Variants in RALY observed in about 807,000 individuals in gnomAD.
The protein encoded by RALY is RALY heterogeneous nuclear ribonucleoprotein, also known as RNA-binding protein Raly.
RALY carries 15 observed loss-of-function variants against 30.7 expected under a neutral mutation model. That is an observed-to-expected ratio of 0.49 (90% CI 0.33 to 0.75). RALY has a LOEUF of 0.75. Among genes scored for constraint, RALY ranks in the 30% least tolerant of loss-of-function variants. RALY has a pLI of 0.02. For missense variants in RALY, 339 were observed against 414.3 expected, an observed-to-expected ratio of 0.82 and a Z score of 1.58; for synonymous variants, 177 against 170.8, an observed-to-expected ratio of 1.04 and a Z score of -0.28.
chr20:34,060,269 G>C (rs73904764), intron 2 of RALY, among the ~76,000 whole-genome samples: 17,532 of 152,162 alleles, frequency 0.12, 1,383 homozygotes, highest in Non-Finnish European at 0.18. Flanking sequence ...TTGAGCATCC[G>C]TAAGTTGAAA....
intron 1 of RALY, among the ~76,000 whole-genome samples, chr20:34,011,806 C>G (rs1013742161): frequency 1.6e-4 from 24 of 152,122 alleles, no homozygotes; most frequent in African/African-American, 5.8e-4. Flanking sequence ...TGGTTCATGC[C>G]TGTAATCCCA....
At chr20:34,050,560 G>A (rs527819630) in intron 2 of RALY, among the ~76,000 whole-genome samples, 1 of 152,324 alleles carries the variant, frequency 6.6e-6, no homozygotes, top group South Asian at 2.1e-4. Context: ...GATGAATTGA[G>A]AGCCCTGCAC....
chr20:34,077,509 T>G, intron 8 of RALY: 1 of 630,914 alleles, frequency 1.6e-6, no homozygotes, highest in Non-Finnish European at 2.7e-6. Context: ...TCCACATGAG[T>G]TGGAGAATGG....
At chr20:34,006,200 A>G (rs1364636411) in intron 1 of RALY, among the ~76,000 whole-genome samples, 1 of 152,224 alleles carries the variant, frequency 6.6e-6, no homozygotes, top group Non-Finnish European at 1.5e-5. Context: ...TGATTTACCC[A>G]TCACTTGGCT....
chr20:34,006,070 C>T (rs544750411), intron 1 of RALY, among the ~76,000 whole-genome samples: 3 of 152,280 alleles, frequency 2.0e-5, no homozygotes, highest in South Asian at 2.1e-4. Flanking sequence ...AAAGATATGC[C>T]GTGGTCACGC....
chr20:34,046,061 T>G (rs978564098), intron 2 of RALY, among the ~76,000 whole-genome samples: 1 of 152,184 alleles, frequency 6.6e-6, no homozygotes, highest in African/African-American at 2.4e-5. Flanking sequence ...TTTTGTTTGG[T>G]CTTTGTCATG....
At chr20:34,009,986 T>A (rs2031330637) in intron 1 of RALY, among the ~76,000 whole-genome samples, 1 of 152,182 alleles carries the variant, frequency 6.6e-6, no homozygotes. Context: ...TGCGACTAAG[T>A]GAATTATCTT....
chr20:34,020,622 G>A (rs1371445203), intron 1 of RALY, among the ~76,000 whole-genome samples: 1 of 152,178 alleles, frequency 6.6e-6, no homozygotes, highest in East Asian at 1.9e-4. Flanking sequence ...CTAGCCCATT[G>A]CCTCTTTTGT....
chr20:34,015,870 A>T (rs1444032271), intron 1 of RALY, among the ~76,000 whole-genome samples: 1 of 151,914 alleles, frequency 6.6e-6, no homozygotes, highest in Non-Finnish European at 1.5e-5. Context: ...CACACAATTG[A>T]TGTGCATGTA....
At chr20:34,074,383 T>C (rs989710232) in intron 5 of RALY, among the ~76,000 whole-genome samples, 1 of 152,176 alleles carries the variant, frequency 6.6e-6, no homozygotes, top group South Asian at 2.1e-4. Flanking sequence ...GCCCAGAGGC[T>C]GTGGGCTCCC....
chr20:34,083,332 A>C lies in RALY; in HGVS notation c.*3427A>C, dbSNP rs1453743060. The C allele has an allele frequency of 6.6e-6, 1 of 152,194 alleles. No homozygotes were observed. The highest frequency in any genetic ancestry group is 1.5e-5 in the Non-Finnish European group (1 of 68,060). The allele number at this position is 152,194 out of a possible 1,614,324, so 9.4% of individuals were successfully genotyped here. A position where few individuals can be genotyped will look rare whatever the true frequency, so the allele number is the denominator to read the frequency against. On this transcript the variant is annotated 3_prime_UTR_variant, in exon 10 of 10. Transcript: ENST00000246194. ...CCGCCTGTCAGGTGGTTGGCTGGGC[A>C]ACTGGGCCACACGTTCCAGCATCTA...
intron 1 of RALY, among the ~76,000 whole-genome samples, chr20:33,997,879 G>A (rs766457489): frequency 1.2e-4 from 18 of 152,200 alleles, no homozygotes; most frequent in Admixed American, 7.2e-4. Flanking sequence ...ACATGATCAT[G>A]TGTCTGGTCA....
intron 1 of RALY, among the ~76,000 whole-genome samples, chr20:34,018,849 T>A (rs1241369618): frequency 4.6e-5 from 7 of 152,148 alleles, no homozygotes; most frequent in Non-Finnish European, 5.9e-5. Flanking sequence ...CCTTTGAGTT[T>A]TTTCTTCAGT....
chr20:34,022,074 T>TTTGC (rs1568660166), intron 1 of RALY, among the ~76,000 whole-genome samples: 1 of 149,720 alleles, frequency 6.7e-6, no homozygotes, highest in African/African-American at 2.5e-5. Flanking sequence ...TTCTTTCCTT[T>TTTGC]TTTCTTTCTT....
chr20:34,003,928 C>T (rs911920925), intron 1 of RALY, among the ~76,000 whole-genome samples: 5 of 152,166 alleles, frequency 3.3e-5, no homozygotes, highest in African/African-American at 4.8e-5. Flanking sequence ...CGTGAGCCAC[C>T]GTGCCCGGCC....
intron 1 of RALY, among the ~76,000 whole-genome samples, chr20:34,027,481 T>C (rs2032088299): frequency 1.3e-5 from 2 of 152,376 alleles, no homozygotes; most frequent in Admixed American, 1.3e-4. Flanking sequence ...TTGCTTCTTC[T>C]GTGAAGCTTC....
chr20:34,006,928 C>A (rs1482419619), intron 1 of RALY, among the ~76,000 whole-genome samples: 1 of 152,124 alleles, frequency 6.6e-6, no homozygotes, highest in Non-Finnish European at 1.5e-5. Context: ...GTTGAAGAAG[C>A]TGGATGTTTT....
At chr20:34,013,003 A>G (rs547142151) in intron 1 of RALY, among the ~76,000 whole-genome samples, 4 of 152,358 alleles carry the variant, frequency 2.6e-5, no homozygotes, top group East Asian at 1.9e-4. Flanking sequence ...GACTACTCAT[A>G]CAGCTAGTCT....
chr20:34,073,885 T>TG lies in RALY; in HGVS notation c.377+20dup. On this transcript the variant is annotated intron_variant, in intron 5 of 9. Coordinates refer to ENST00000246194, the MANE Select transcript of RALY (RefSeq NM_016732.3). Reference sequence around the variant, plus strand: ...ACGACAGGTGAGCAGGGGAGGGGCGTGCCCAGGCATGAAACAGCCAAGCTG... The same window carrying TG: ...ACGACAGGTGAGCAGGGGAGGGGCGTGGCCCAGGCATGAAACAGCCAAGCTG... The TG allele has an allele frequency of 6.2e-7, 1 of 1,612,282 alleles. No individual in the cohort carries two copies. The highest frequency in any genetic ancestry group is 8.5e-7 in the Non-Finnish European group (1 of 1,178,444).
Sources: allele counts gnomAD v4.1 joint callset (sites outside exome capture counted in the v4.1 genomes callset), GRCh38; gene constraint gnomAD v4.1.1; transcripts MANE v1.5; gene names NCBI Gene and HGNC (gene_info 2026-07-23, HGNC 2026-07-21).